CPPED1: variants seen among roughly 807,000 people sequenced by gnomAD.
The protein encoded by CPPED1 is serine/threonine-protein phosphatase CPPED1.
In CPPED1, 28 loss-of-function variants were observed where a neutral mutation model predicts 28.0. The observed-to-expected ratio is 1.00, with a 90% CI of 0.74 to 1.37. The LOEUF is 1.37. Among genes scored for constraint, CPPED1 ranks in the 40% most tolerant of loss-of-function variants. CPPED1 has a pLI of 0.00. For synonymous variants in CPPED1, 198 were observed against 180.2 expected (o/e 1.10, Z -0.79); for missense variants, 504 against 416.5 (o/e 1.21, Z -1.83).
intron 3 of CPPED1, among the ~76,000 whole-genome samples, chr16:12,680,540 C>CTA (rs2079899193): frequency 6.6e-6 from 1 of 152,198 alleles, no homozygotes; most frequent in East Asian, 1.9e-4. Flanking sequence ...CACATAGTTA[C>CTA]TACAGCTTCT....
chr16:12,685,070 C>G (rs2079925769), intron 3 of CPPED1, among the ~76,000 whole-genome samples: 1 of 152,232 alleles, frequency 6.6e-6, no homozygotes. Context: ...AGCACCGACT[C>G]TGGATCCTGT....
At chr16:12,667,538 G>A (rs1412083529) in intron 3 of CPPED1, among the ~76,000 whole-genome samples, 2 of 152,328 alleles carry the variant, frequency 1.3e-5, no homozygotes, top group South Asian at 2.1e-4. Context: ...AGAATTGCTT[G>A]ATGCCAGGAG....
intron 2 of CPPED1, among the ~76,000 whole-genome samples, chr16:12,762,795 G>A (rs992464608): frequency 8.6e-5 from 13 of 152,044 alleles, no homozygotes; most frequent in Non-Finnish European, 1.5e-4. Context: ...CCAGGCTGGA[G>A]TGCAGTGGCA....
chr16:12,787,980 T>C (rs930017536), intron 1 of CPPED1, among the ~76,000 whole-genome samples: 2 of 152,174 alleles, frequency 1.3e-5, no homozygotes, highest in African/African-American at 2.4e-5. Context: ...TAGTGGTTAG[T>C]AGGATTCAGC....
chr16:12,791,272 G>A (rs891856344), intron 1 of CPPED1, among the ~76,000 whole-genome samples: 39 of 151,944 alleles, frequency 2.6e-4, no homozygotes, highest in African/African-American at 8.5e-4. Context: ...GTGTCCAAGT[G>A]TTCTCATTGT....
chr16:12,681,717 G>A (rs1483948094), intron 3 of CPPED1, among the ~76,000 whole-genome samples: 1 of 152,116 alleles, frequency 6.6e-6, no homozygotes, highest in Non-Finnish European at 1.5e-5. Flanking sequence ...AAGAGTGGAT[G>A]GAAGAGGTTC....
chr16:12,672,446 G>A (rs1466074529), intron 3 of CPPED1, among the ~76,000 whole-genome samples: 2 of 152,172 alleles, frequency 1.3e-5, no homozygotes, highest in Admixed American at 6.5e-5. Flanking sequence ...TTAAAAAGAG[G>A]TAATTTACAT....
At position 12,683,788 on chromosome 16, in the gene CPPED1, G is replaced by A. The variant is rs1408270318; in HGVS notation, c.716-18673C>T. Among the ~76,000 whole-genome samples the A allele has an allele frequency of 2.6e-5, 4 of 152,124 alleles. No homozygotes were observed. The South Asian group carries it at 8.3e-4, about 31-fold the overall frequency. Reference sequence around the variant, plus strand: ...ATATTCAGCTGTCAGTGGCTATGGTGGCTTAAAAAAGTAAAGGCTGTATTT... The same window carrying A: ...ATATTCAGCTGTCAGTGGCTATGGTAGCTTAAAAAAGTAAAGGCTGTATTT... On this transcript the variant is annotated intron_variant, in intron 3 of 3. Coordinates refer to ENST00000381774, the MANE Select transcript of CPPED1 (RefSeq NM_018340.3).
At chr16:12,802,037 C>T (rs2080663251) in intron 1 of CPPED1, among the ~76,000 whole-genome samples, 1 of 152,128 alleles carries the variant, frequency 6.6e-6, no homozygotes, top group Non-Finnish European at 1.5e-5. Context: ...CTGCCTTTTG[C>T]TTCTCTCCCT....
chr16:12,796,652 T>C (rs562398515), intron 1 of CPPED1, among the ~76,000 whole-genome samples: 14 of 152,316 alleles, frequency 9.2e-5, no homozygotes, highest in African/African-American at 3.1e-4. Context: ...GCATCTGCTT[T>C]GGAAAATAGT....
rs539336640 is a variant in CPPED1 at position 12,770,215 on chromosome 16, T to C, written c.289+10970A>G. On this transcript the variant is annotated intron_variant, in intron 2 of 3. Coordinates refer to ENST00000381774, the MANE Select transcript of CPPED1 (RefSeq NM_018340.3). Reference sequence around the variant, plus strand: ...CCAGAGAACTGCTAAGAGAACGGCCTGGTGTGCTCTCAGTGCAAATGGCGC... The same window carrying C: ...CCAGAGAACTGCTAAGAGAACGGCCCGGTGTGCTCTCAGTGCAAATGGCGC... Among the ~76,000 whole-genome samples, 67 of 152,286 alleles carry C rather than the reference T, an allele frequency of 4.4e-4. No individual in the cohort carries two copies. The East Asian group carries it at 0.01, about 23-fold the overall frequency.
intron 1 of CPPED1, among the ~76,000 whole-genome samples, chr16:12,781,604 T>C (rs2080532260): frequency 6.6e-6 from 1 of 152,142 alleles, no homozygotes; most frequent in South Asian, 2.1e-4. Flanking sequence ...GACCTGGTGA[T>C]ACCCAAAGGC....
At chr16:12,769,287 C>A (rs1036731698) in intron 2 of CPPED1, among the ~76,000 whole-genome samples, 1 of 152,022 alleles carries the variant, frequency 6.6e-6, no homozygotes, top group Non-Finnish European at 1.5e-5. Context: ...TTTTGATAAC[C>A]GTATTTCAAT....
At chr16:12,713,186 A>G (rs1212210638) in intron 2 of CPPED1, among the ~76,000 whole-genome samples, 1 of 152,128 alleles carries the variant, frequency 6.6e-6, no homozygotes, top group Non-Finnish European at 1.5e-5. Context: ...GTTCTTTCTG[A>G]ATCTGAATAA....
chr16:12,673,023 A>G (rs1260767096), intron 3 of CPPED1, among the ~76,000 whole-genome samples: 1 of 152,108 alleles, frequency 6.6e-6, no homozygotes. Flanking sequence ...AAAGAAAAGA[A>G]AAAAGAAAAG....
chr16:12,764,959 G>C (rs372561128), intron 2 of CPPED1, among the ~76,000 whole-genome samples: 1 of 152,198 alleles, frequency 6.6e-6, no homozygotes, highest in Non-Finnish European at 1.5e-5. Context: ...CAGCCTCAAG[G>C]TCATGAGCAG....
rs200745290 is a variant in CPPED1, at chr16:12,704,697, G to A, written c.642C>T (p.Asp214=). ...GGTTGAAGTAGTAGTCGTCGTCCTC[G>A]TCGATGCTCTCCAGGAACAGCGGGA... is the stretch of plus-strand genomic sequence containing the variant. ...QHIPLFLESI[D]EDDDYYFNLS... The change falls in exon 3 of 4, where the codon GAC becomes GAT. Residue 214 remains aspartate (D), a synonymous_variant. Transcript: ENST00000381774. 19 of 1,614,184 alleles carry A rather than the reference G, an allele frequency of 1.2e-5. No individual in the cohort carries two copies. Among genetic ancestry groups the A allele is most frequent in the Non-Finnish European group, 1.2e-5 (14 of 1,180,034 alleles).
chr16:12,777,481 A>C (rs571338494), intron 2 of CPPED1, among the ~76,000 whole-genome samples: 3 of 152,354 alleles, frequency 2.0e-5, no homozygotes, highest in East Asian at 3.9e-4. Flanking sequence ...AATGGGTCTC[A>C]GTATTTGCAC....
At chr16:12,758,715 A>G (rs1054919137) in intron 2 of CPPED1, among the ~76,000 whole-genome samples, 2 of 152,148 alleles carry the variant, frequency 1.3e-5, no homozygotes, top group Non-Finnish European at 2.9e-5. Flanking sequence ...TGTGTTAATA[A>G]AGTAGGCTGA....
Sources: gnomAD v4.1 joint callset for allele counts (sites outside exome capture counted in the v4.1 genomes callset) on GRCh38, gnomAD v4.1.1 for gene constraint, MANE v1.5 for transcripts, NCBI Gene and HGNC (gene_info 2026-07-23, HGNC 2026-07-21) for gene names.